Variants in KCNC1 observed in about 807,000 individuals in gnomAD.
KCNC1 encodes the protein voltage-gated potassium channel KCNC1.
KCNC1 carries 8 observed loss-of-function variants against 43.4 expected under a neutral mutation model. The observed-to-expected ratio is 0.18, with a 90% CI of 0.11 to 0.33. The LOEUF (loss-of-function observed/expected upper bound fraction) is 0.33. Ranked by LOEUF, KCNC1 falls within the 10% of genes least tolerant of loss-of-function variation. KCNC1 has a pLI of 1.00. For missense variants in KCNC1, 420 were observed against 836.0 expected (o/e 0.50, Z 6.14); for synonymous variants, 361 against 360.5 (o/e 1.00, Z -0.01).
chr11:17,737,683 A>G (rs1323839906), intron 1 of KCNC1, among the ~76,000 whole-genome samples: 1 of 152,144 alleles, frequency 6.6e-6, no homozygotes, highest in East Asian at 1.9e-4. Context: ...GCCTAAAGAG[A>G]GACCCTAAGG....
rs1848854639 is a variant in KCNC1 at position 17,742,522 on chromosome 11, A to C, written c.570+5950A>C. On this transcript the variant is annotated intron_variant, in intron 1 of 3. Transcript: ENST00000265969. The surrounding 1 kb of genome is among the most constrained non-coding windows in gnomAD (Gnocchi z 4.2). ...CATCAGCTCTGGGGCCAGCCTGGCTACCACCCCAGCGTGAGCTCCCCTCTG... is the reference window on the plus strand; with the variant it reads ...CATCAGCTCTGGGGCCAGCCTGGCTCCCACCCCAGCGTGAGCTCCCCTCTG... Among the ~76,000 whole-genome samples, 1 of 152,194 alleles carries C rather than the reference A, an allele frequency of 6.6e-6. No homozygotes were observed. Among genetic ancestry groups the C allele is most frequent in the African/African-American group, 2.4e-5 (1 of 41,438 alleles).
At chr11:17,759,723 G>A (rs772211067) in intron 1 of KCNC1, among the ~76,000 whole-genome samples, 2 of 152,112 alleles carry the variant, frequency 1.3e-5, no homozygotes, top group Non-Finnish European at 2.9e-5. Context: ...TATCAATTAA[G>A]TTTGCCATCT....
chr11:17,768,284 C>G, intron 1 of KCNC1, among the ~76,000 whole-genome samples: 1 of 152,196 alleles, frequency 6.6e-6, no homozygotes, highest in East Asian at 1.9e-4. Flanking sequence ...CAGGAGCACT[C>G]TCCAGCAGAA....
At chr11:17,751,664 A>C (rs907039867) in intron 1 of KCNC1, among the ~76,000 whole-genome samples, 2 of 152,204 alleles carry the variant, frequency 1.3e-5, no homozygotes, top group East Asian at 3.8e-4. Context: ...CCCACTCTCA[A>C]AGGTGAGAGT....
Position 17,777,530 on chromosome 11 carries a change from A to G in KCNC1, c.1505-1926A>G. The G allele has an allele frequency of 2.0e-6, 2 of 985,972 alleles. No homozygotes were observed. The highest frequency in any genetic ancestry group is 3.5e-5 in the African/African-American group (2 of 57,368). The allele number at this position is 985,972 out of a possible 1,614,324, so 61.1% of individuals were successfully genotyped here. ...AGACCCTTGGATGGAAGACTGGGCCAGCCAGAGTGGGAGGCAGGACCAGCG... is the reference window on the plus strand; with the variant it reads ...AGACCCTTGGATGGAAGACTGGGCCGGCCAGAGTGGGAGGCAGGACCAGCG... On this transcript the variant is annotated intron_variant, in intron 2 of 3. Transcript: ENST00000265969. This position sits in a 1 kb window ranked among gnomAD's most constrained non-coding sequence, Gnocchi z 4.3.
chr11:17,769,854 T>C (rs1026622882), intron 1 of KCNC1, among the ~76,000 whole-genome samples: 6 of 152,190 alleles, frequency 3.9e-5, no homozygotes, highest in Admixed American at 6.5e-5. Context: ...TAGTGTCCCG[T>C]TGGCATAGCT....
At chr11:17,753,907 C>T (rs1848996782) in intron 1 of KCNC1, among the ~76,000 whole-genome samples, 1 of 152,244 alleles carries the variant, frequency 6.6e-6, no homozygotes, top group African/African-American at 2.4e-5. Context: ...CCAGTTCTGC[C>T]CCGTAGACAG....
chr11:17,751,795 T>G (rs922839327), intron 1 of KCNC1, among the ~76,000 whole-genome samples: 2 of 152,184 alleles, frequency 1.3e-5, no homozygotes, highest in African/African-American at 4.8e-5. Context: ...TGAAGGGCAG[T>G]CAGTGAGTGG....
chr11:17,763,779 C>T (rs2133798215), intron 1 of KCNC1, among the ~76,000 whole-genome samples: 1 of 144,958 alleles, frequency 6.9e-6, no homozygotes, highest in African/African-American at 2.6e-5. Context: ...CCCACACCAC[C>T]CCACACACAC....
chr11:17,772,154 T>C lies in KCNC1; in HGVS notation c.1060T>C (p.Leu354=), dbSNP rs745666597. The C allele has an allele frequency of 6.2e-7, 1 of 1,614,120 alleles. No individual in the cohort carries two copies. The highest frequency in any genetic ancestry group is 8.5e-7 in the Non-Finnish European group (1 of 1,180,022). Residue 354 remains leucine (L), a synonymous_variant, in exon 2 of 4, where the codon TTG becomes CTG. Coordinates refer to ENST00000265969, the MANE Select transcript of KCNC1 (RefSeq NM_001112741.2). Reference sequence around the variant, plus strand: ...CCTGCTGCTCATCATCTTCCTGGCCTTGGGCGTGCTGATCTTCGCCACCAT... The same window carrying C: ...CCTGCTGCTCATCATCTTCCTGGCCCTGGGCGTGCTGATCTTCGCCACCAT... The part of the protein sequence containing the change: ...EFLLLIIFLA[L]GVLIFATMIY...
At chr11:17,752,477 A>G (rs900319604) in intron 1 of KCNC1, among the ~76,000 whole-genome samples, 3 of 152,228 alleles carry the variant, frequency 2.0e-5, no homozygotes, top group African/African-American at 4.8e-5. Flanking sequence ...AAAAAGCTCC[A>G]CATGCAAACA....
intron 1 of KCNC1, among the ~76,000 whole-genome samples, chr11:17,741,049 C>T (rs1848835146): frequency 1.3e-5 from 2 of 152,020 alleles, no homozygotes; most frequent in South Asian, 4.1e-4. Flanking sequence ...CAGGCCAGGG[C>T]CCCACTTGGA....
intron 1 of KCNC1, among the ~76,000 whole-genome samples, chr11:17,740,407 G>C (rs541395182): frequency 3.0e-4 from 46 of 152,292 alleles, no homozygotes; most frequent in Non-Finnish European, 1.5e-4. Flanking sequence ...GGCAACCTTT[G>C]AGGGGCAGGG....
Position 17,782,613 on chromosome 11 carries a change from C to T in KCNC1, c.*879C>T, listed in dbSNP as rs1446155032. ...TCAGGACCACGGGAGGAGCAGCCTCCTCCACCTTTACTAAGGCACAACCTG... is the reference window on the plus strand; with the variant it reads ...TCAGGACCACGGGAGGAGCAGCCTCTTCCACCTTTACTAAGGCACAACCTG... On this transcript the variant is annotated 3_prime_UTR_variant, in exon 4 of 4. Coordinates refer to ENST00000265969, the MANE Select transcript of KCNC1 (RefSeq NM_001112741.2). The T allele has an allele frequency of 6.6e-6, 1 of 152,198 alleles. No individual in the cohort carries two copies. Among genetic ancestry groups the T allele is most frequent in the Non-Finnish European group, 1.5e-5 (1 of 68,038 alleles). The allele number at this position is 152,198 out of a possible 1,614,324, so 9.4% of individuals were successfully genotyped here. A position where few individuals can be genotyped will look rare whatever the true frequency, so the allele number is the denominator to read the frequency against.
Position 17,773,373 on chromosome 11 carries a change from G to A in KCNC1, c.1504+775G>A, listed in dbSNP as rs1291504634. The A allele has an allele frequency of 3.8e-5, 37 of 985,372 alleles. No individual in the cohort carries two copies. The highest frequency in any genetic ancestry group is 2.3e-4 in the East Asian group (2 of 8,804). 61.0% of individuals were successfully genotyped at this position (985,372 alleles called of 1,614,324 possible). ...GTCGAGTGGGAGTTTCCGGTGACCC[G>A]ATGGAAGCGGCTGCCGAGCAAAAGA... On this transcript the variant is annotated intron_variant, in intron 2 of 3. Coordinates refer to ENST00000265969, the MANE Select transcript of KCNC1 (RefSeq NM_001112741.2). This position sits in a 1 kb window ranked among gnomAD's most constrained non-coding sequence, Gnocchi z 4.1.
chr11:17,735,935 G>A lies in KCNC1; in HGVS notation c.-68G>A. 7.3e-7 allele frequency: 1 copy of A among 1,377,466 alleles called. No individual in the cohort carries two copies. Among genetic ancestry groups the A allele is most frequent in the East Asian group, 3.0e-5 (1 of 33,784 alleles). 85.3% of individuals were successfully genotyped at this position (1,377,466 alleles called of 1,614,324 possible). ...GAGGGCGCGCGCCCCCCTCCCCGGC[G>A]CCAACTCCCCCTGGCGGCCGCTCCC... On this transcript the variant is annotated 5_prime_UTR_variant, in exon 1 of 4. Transcript: ENST00000265969. This position sits in a 1 kb window ranked among gnomAD's most constrained non-coding sequence, Gnocchi z 6.7.
chr11:17,735,827 C>A lies in KCNC1; in HGVS notation c.-176C>A. 3 of 649,460 alleles carry A rather than the reference C, an allele frequency of 4.6e-6. No individual in the cohort carries two copies. The highest frequency in any genetic ancestry group is 3.1e-5 in the South Asian group (1 of 32,654). 40.2% of individuals were successfully genotyped at this position (649,460 alleles called of 1,614,324 possible). On this transcript the variant is annotated 5_prime_UTR_variant, in exon 1 of 4. Transcript: ENST00000265969. The surrounding 1 kb of genome is among the most constrained non-coding windows in gnomAD (Gnocchi z 6.7). ...TCCCCTGGACCGGCACCCGACAAAG[C>A]GCCCGGAGAGGCTTGGCTCGCTCGT...
chr11:17,759,383 T>A (rs1849052943), intron 1 of KCNC1, among the ~76,000 whole-genome samples: 1 of 152,248 alleles, frequency 6.6e-6, no homozygotes, highest in Non-Finnish European at 1.5e-5. Context: ...TGTTTTGCTT[T>A]CTTATCACTC....
intron 1 of KCNC1, among the ~76,000 whole-genome samples, chr11:17,738,466 G>C (rs1186087335): frequency 6.6e-6 from 1 of 152,194 alleles, no homozygotes; most frequent in Admixed American, 6.5e-5. Flanking sequence ...TTTGGCCCCA[G>C]AAGCAAGGGG....
Sources: allele counts gnomAD v4.1 joint callset (sites outside exome capture counted in the v4.1 genomes callset), GRCh38; gene constraint gnomAD v4.1.1; non-coding constraint Gnocchi (gnomAD v3.1); transcripts MANE v1.5; gene names NCBI Gene and HGNC (gene_info 2026-07-23, HGNC 2026-07-21).